The following UBASH3B variants were observed in gnomAD, a reference collection of about 807,000 sequenced individuals.
The protein encoded by UBASH3B is ubiquitin associated and SH3 domain containing B, also known as ubiquitin-associated and SH3 domain-containing protein B.
A neutral mutation model predicts 83.4 loss-of-function variants in UBASH3B; 37 were observed. The observed-to-expected ratio is 0.44, with a 90% CI of 0.34 to 0.58. UBASH3B has a LOEUF of 0.58. Among genes scored for constraint, UBASH3B ranks in the 20% least tolerant of loss-of-function variants. The probability of loss-of-function intolerance (pLI) is 0.01; values close to 1 mark genes in which losing one functional copy is unlikely to be tolerated. For synonymous variants in UBASH3B, 304 were observed against 318.3 expected, an observed-to-expected ratio of 0.96 and a Z score of 0.48; for missense variants, 657 against 827.2, an observed-to-expected ratio of 0.79 and a Z score of 2.52.
chr11:122,737,094 C>T (rs964326770), intron 1 of UBASH3B, among the ~76,000 whole-genome samples: 2 of 151,826 alleles, frequency 1.3e-5, no homozygotes, highest in Non-Finnish European at 2.9e-5. Flanking sequence ...CTAATGTTGC[C>T]GGAAGAGGGT....
At chr11:122,684,578 G>A (rs1047581359) in intron 1 of UBASH3B, among the ~76,000 whole-genome samples, 1 of 152,122 alleles carries the variant, frequency 6.6e-6, no homozygotes, top group Non-Finnish European at 1.5e-5. Flanking sequence ...GAGAAGTAAA[G>A]AGGAACTCAA....
At chr11:122,728,588 A>G (rs1416317206) in intron 1 of UBASH3B, among the ~76,000 whole-genome samples, 1 of 152,204 alleles carries the variant, frequency 6.6e-6, no homozygotes, top group Non-Finnish European at 1.5e-5. Flanking sequence ...CTCCCCAGGG[A>G]GATCTTTGTG....
chr11:122,791,138 G>T (rs889808723), intron 6 of UBASH3B, among the ~76,000 whole-genome samples: 2 of 152,196 alleles, frequency 1.3e-5, no homozygotes, highest in African/African-American at 2.4e-5. Context: ...ATGATGTCAT[G>T]TCTCTGAGAA....
At chr11:122,777,239 A>T in intron 3 of UBASH3B, 29 bp downstream of exon 3, 2 of 1,586,840 alleles carry the variant, frequency 1.3e-6, no homozygotes, top group South Asian at 1.1e-5. Context: ...ACCCCTGGGA[A>T]GCCTGGCTCC....
Position 122,781,516 on chromosome 11 carries a change from G to A in UBASH3B, c.602-1537G>A, listed in dbSNP as rs1429143039. Among the ~76,000 whole-genome samples, 4 of 152,202 alleles carry A rather than the reference G, an allele frequency of 2.6e-5. No individual in the cohort carries two copies. The South Asian group carries it at 6.2e-4, about 24-fold the overall frequency. On this transcript the variant is annotated intron_variant, in intron 4 of 13. Transcript: ENST00000284273. ...GAAGCCCCAGCTTTCCCTGTGGGAC[G>A]CGGGTGGAGCCAATTCCTCTCCAAG...
chr11:122,701,062 C>T (rs1184420338), intron 1 of UBASH3B, among the ~76,000 whole-genome samples: 1 of 152,206 alleles, frequency 6.6e-6, no homozygotes, highest in Non-Finnish European at 1.5e-5. Context: ...AAATTCCCAA[C>T]CCCCAGCATT....
intron 1 of UBASH3B, chr11:122,774,110 A>G: frequency 5.1e-6 from 5 of 984,444 alleles, no homozygotes; most frequent in Non-Finnish European, 6.0e-6. Flanking sequence ...AGTCGTGAGG[A>G]AACAGACAAG....
chr11:122,785,410 CAG>C (rs1353262901), intron 5 of UBASH3B, among the ~76,000 whole-genome samples: 1 of 152,166 alleles, frequency 6.6e-6, no homozygotes, highest in Admixed American at 6.5e-5. Context: ...AGTGAGGGAA[CAG>C]ATGTCCAGAG....
intron 1 of UBASH3B, among the ~76,000 whole-genome samples, chr11:122,744,109 C>T (rs995621394): frequency 6.6e-6 from 1 of 152,166 alleles, no homozygotes; most frequent in African/African-American, 2.4e-5. Context: ...ACCTGGGCCC[C>T]TTTACAGCGG....
chr11:122,662,961 C>A (rs1016866012), intron 1 of UBASH3B, among the ~76,000 whole-genome samples: 1 of 148,022 alleles, frequency 6.8e-6, no homozygotes, highest in Non-Finnish European at 1.5e-5. Flanking sequence ...TTCCCTCTTA[C>A]GCGCTAATGT....
At chr11:122,738,504 C>T (rs1860971510) in intron 1 of UBASH3B, among the ~76,000 whole-genome samples, 1 of 152,098 alleles carries the variant, frequency 6.6e-6, no homozygotes, top group South Asian at 2.1e-4. Context: ...AAGCCTGAGC[C>T]ATGGGGTTAC....
chr11:122,715,091 G>T (rs908054374), intron 1 of UBASH3B, among the ~76,000 whole-genome samples: 2 of 152,004 alleles, frequency 1.3e-5, no homozygotes, highest in Non-Finnish European at 2.9e-5. Context: ...GACTACAGGC[G>T]CCCACTACCA....
At chr11:122,729,052 A>G (rs1033078013) in intron 1 of UBASH3B, among the ~76,000 whole-genome samples, 1 of 152,194 alleles carries the variant, frequency 6.6e-6, no homozygotes, top group Non-Finnish European at 1.5e-5. Context: ...GAAAGATCAA[A>G]TCATGAAAAG....
chr11:122,738,188 A>ATTAAT (rs10649908), intron 1 of UBASH3B, among the ~76,000 whole-genome samples: 18,865 of 152,066 alleles, frequency 0.12, 3,405 homozygotes, highest in African/African-American at 0.4. Flanking sequence ...TAGACCAGTT[A>ATTAAT]TTTACACTGA....
rs1861482648 is a variant in UBASH3B, at chr11:122,813,345, A to G, written c.*3459A>G. 1 of 152,184 alleles carries G rather than the reference A, an allele frequency of 6.6e-6. No individual in the cohort carries two copies. The highest frequency in any genetic ancestry group is 2.4e-5 in the African/African-American group (1 of 41,438). 9.4% of individuals were successfully genotyped at this position (152,184 alleles called of 1,614,324 possible). The stretch of plus-strand genomic sequence containing the variant: ...CTACAGTAAAAGAAGTTCCTATCTC[A>G]TTGCCTTTGTGGAAAGGCTTCCCTA... On this transcript the variant is annotated 3_prime_UTR_variant, in exon 14 of 14. Coordinates refer to ENST00000284273, the MANE Select transcript of UBASH3B (RefSeq NM_032873.5).
At chr11:122,728,332 C>A (rs1289798413) in intron 1 of UBASH3B, among the ~76,000 whole-genome samples, 3 of 152,220 alleles carry the variant, frequency 2.0e-5, no homozygotes, top group African/African-American at 7.2e-5. Flanking sequence ...CAAGTTGGCA[C>A]AGACATCCTT....
At chr11:122,730,538 G>A (rs922899887) in intron 1 of UBASH3B, among the ~76,000 whole-genome samples, 3 of 151,654 alleles carry the variant, frequency 2.0e-5, no homozygotes, top group Non-Finnish European at 4.4e-5. Flanking sequence ...ACTGCACATC[G>A]CTGCACAACT....
chr11:122,796,894 A>G lies in UBASH3B; in HGVS notation c.1235-17A>G. The stretch of plus-strand genomic sequence containing the variant: ...AAGAAATGTATGTATCCTCTGTCTA[A>G]CCTCTTTGTTTTTCAGGCCGCTACA... On this transcript the variant is annotated splice_polypyrimidine_tract_variant and intron_variant, in intron 8 of 13. Transcript: ENST00000284273. The G allele has an allele frequency of 6.2e-7, 1 of 1,614,066 alleles. No individual in the cohort carries two copies. The highest frequency in any genetic ancestry group is 1.3e-5 in the African/African-American group (1 of 75,012).
intron 1 of UBASH3B, among the ~76,000 whole-genome samples, chr11:122,704,143 G>A (rs1864085028): frequency 1.3e-5 from 2 of 152,220 alleles, no homozygotes; most frequent in East Asian, 1.9e-4. Flanking sequence ...TTACAGGAAC[G>A]AAAGCTGAGT....
Sources: gnomAD v4.1 joint callset for allele counts (sites outside exome capture counted in the v4.1 genomes callset) on GRCh38, gnomAD v4.1.1 for gene constraint, MANE v1.5 for transcripts, NCBI Gene and HGNC (gene_info 2026-07-23, HGNC 2026-07-21) for gene names.